ARHGAP10: variants seen among roughly 807,000 people sequenced by gnomAD.
The protein encoded by ARHGAP10 is rho GTPase-activating protein 10.
A neutral mutation model predicts 108.6 loss-of-function variants in ARHGAP10; 87 were observed. That is an observed-to-expected ratio of 0.80 (90% CI 0.67 to 0.96). The LOEUF (loss-of-function observed/expected upper bound fraction) is 0.96, where lower values mean the gene tolerates loss of function less well. Among genes scored for constraint, ARHGAP10 ranks in the 40% least tolerant of loss-of-function variants. The pLI is 0.00. For missense variants in ARHGAP10, 939 were observed against 954.5 expected (o/e 0.98, Z 0.21); for synonymous variants, 347 against 341.1 (o/e 1.02, Z -0.19).
intron 10 of ARHGAP10, among the ~76,000 whole-genome samples, chr4:147,893,338 G>A (rs1237057189): frequency 4.0e-5 from 6 of 151,676 alleles, no homozygotes; most frequent in African/African-American, 7.3e-5. Context: ...GATTACAGAC[G>A]TGAGCCACTG....
chr4:147,806,168 C>T (rs1387968681), intron 1 of ARHGAP10, among the ~76,000 whole-genome samples: 1 of 152,144 alleles, frequency 6.6e-6, no homozygotes, highest in East Asian at 1.9e-4. Context: ...GAGCTCTCCC[C>T]ACCCATCTTA....
intron 10 of ARHGAP10, among the ~76,000 whole-genome samples, chr4:147,885,927 C>A (rs1440465678): frequency 3.9e-5 from 6 of 152,200 alleles, no homozygotes; most frequent in African/African-American, 1.4e-4. Flanking sequence ...TATAATGCTT[C>A]CAAATGCAAA....
chr4:148,067,514 C>T (rs1463963436), intron 22 of ARHGAP10, among the ~76,000 whole-genome samples: 2 of 152,212 alleles, frequency 1.3e-5, no homozygotes, highest in Non-Finnish European at 2.9e-5. Flanking sequence ...GCTCAGCCCA[C>T]AGGAGTACTG....
At chr4:147,784,445 TTA>T (rs1730720291) in intron 1 of ARHGAP10, among the ~76,000 whole-genome samples, 6 of 128,776 alleles carry the variant, frequency 4.7e-5, no homozygotes, top group African/African-American at 1.7e-4. Flanking sequence ...AATATATAAG[TTA>T]TATATGATAT....
At chr4:147,772,070 G>A (rs1454183596) in intron 1 of ARHGAP10, among the ~76,000 whole-genome samples, 4 of 152,178 alleles carry the variant, frequency 2.6e-5, no homozygotes, top group Non-Finnish European at 4.4e-5. Context: ...GATTACAGGC[G>A]TGAGCAACCG....
At chr4:147,994,343 C>T (rs939656757) in intron 18 of ARHGAP10, among the ~76,000 whole-genome samples, 1 of 152,126 alleles carries the variant, frequency 6.6e-6, no homozygotes, top group East Asian at 1.9e-4. Flanking sequence ...CCACACATGC[C>T]GGTGCCTGGC....
intron 1 of ARHGAP10, among the ~76,000 whole-genome samples, chr4:147,775,095 A>G (rs1164824858): frequency 6.6e-6 from 1 of 151,978 alleles, no homozygotes; most frequent in African/African-American, 2.4e-5. Context: ...TTGTATTTTT[A>G]GTAGAGACGG....
At chr4:147,862,884 A>G (rs1015916364) in intron 5 of ARHGAP10, 1 of 152,224 alleles carries the variant, frequency 6.6e-6, no homozygotes, top group African/African-American at 2.4e-5. Context: ...GAGATGTGCC[A>G]ACTAACTGCT....
chr4:147,814,275 C>T (rs1193009652), intron 1 of ARHGAP10, among the ~76,000 whole-genome samples: 3 of 150,694 alleles, frequency 2.0e-5, no homozygotes, highest in South Asian at 4.2e-4. Flanking sequence ...TGTTTTAGCC[C>T]TTTGCTAGGA....
At chr4:147,913,261 CTGAG>C in intron 13 of ARHGAP10, 122 bp downstream of exon 13, 1 of 825,458 alleles carries the variant, frequency 1.2e-6, no homozygotes, top group Non-Finnish European at 2.0e-6. Flanking sequence ...AATGCTCATT[CTGAG>C]TATCAGAAGG....
At chr4:147,842,549 G>A (rs1733459336) in intron 3 of ARHGAP10, among the ~76,000 whole-genome samples, 1 of 152,090 alleles carries the variant, frequency 6.6e-6, no homozygotes, top group South Asian at 2.1e-4. Flanking sequence ...GATCCTCTCT[G>A]ATTTCCTCAT....
intron 1 of ARHGAP10, among the ~76,000 whole-genome samples, chr4:147,809,463 A>G (rs996939675): frequency 1.3e-5 from 2 of 152,082 alleles, no homozygotes; most frequent in Non-Finnish European, 2.9e-5. Context: ...GTAATATTTG[A>G]TTCATTATTT....
intron 10 of ARHGAP10, among the ~76,000 whole-genome samples, chr4:147,889,519 T>TG (rs1735704394): frequency 6.6e-6 from 1 of 152,128 alleles, no homozygotes; most frequent in Non-Finnish European, 1.5e-5. Flanking sequence ...AGGCTGGTCT[T>TG]GAACTCCTGA....
intron 10 of ARHGAP10, among the ~76,000 whole-genome samples, chr4:147,882,931 G>C (rs1735389122): frequency 1.3e-5 from 2 of 152,152 alleles, no homozygotes; most frequent in African/African-American, 4.8e-5. Context: ...TAGTTTTTAG[G>C]TAAGGCTGTT....
chr4:148,047,226 G>A (rs1181814884), intron 20 of ARHGAP10, among the ~76,000 whole-genome samples, 175 bp downstream of exon 20: 105 of 152,194 alleles, frequency 6.9e-4, no homozygotes, highest in Non-Finnish European at 2.9e-5. Context: ...AGCCTTCCTT[G>A]AATACTGTCT....
rs74978856 is a variant in ARHGAP10, at chr4:147,970,220, C to T, written c.1716+3381C>T. Among the ~76,000 whole-genome samples, 1,504 of 152,226 alleles carry T rather than the reference C, an allele frequency of 9.9e-3. 28 individuals carry two copies. The highest frequency in any genetic ancestry group is 0.032 in the African/African-American group (1,334 of 41,508). Reference sequence around the variant, plus strand: ...TGTGCAGGAAAACTTCATATGGATGCGTGGATCTATGTTAGCCACGGGTTT... The same window carrying T: ...TGTGCAGGAAAACTTCATATGGATGTGTGGATCTATGTTAGCCACGGGTTT... On this transcript the variant is annotated intron_variant, in intron 18 of 22. Coordinates refer to ENST00000336498, the MANE Select transcript of ARHGAP10 (RefSeq NM_024605.4).
chr4:148,027,467 A>G (rs932865589), intron 19 of ARHGAP10, among the ~76,000 whole-genome samples: 3 of 152,232 alleles, frequency 2.0e-5, no homozygotes, highest in African/African-American at 7.2e-5. Flanking sequence ...TTGTAGTCCT[A>G]CAGCGTGGTA....
chr4:147,906,882 C>G (rs1006159115), intron 11 of ARHGAP10, among the ~76,000 whole-genome samples, 163 bp downstream of exon 11: 1 of 152,128 alleles, frequency 6.6e-6, no homozygotes, highest in Non-Finnish European at 1.5e-5. Flanking sequence ...TTGGGTTGGG[C>G]AAGCAGCAGT....
intron 5 of ARHGAP10, among the ~76,000 whole-genome samples, chr4:147,859,497 C>T (rs899524747): frequency 2.6e-5 from 4 of 152,124 alleles, no homozygotes; most frequent in African/African-American, 9.7e-5. Context: ...TGTTCTTGAA[C>T]TCCTGACCTC....
Sources: gnomAD v4.1 joint callset for allele counts (sites outside exome capture counted in the v4.1 genomes callset) on GRCh38, gnomAD v4.1.1 for gene constraint, MANE v1.5 for transcripts, NCBI Gene and HGNC (gene_info 2026-07-23, HGNC 2026-07-21) for gene names.